The following BCHE variants were observed in gnomAD, a reference collection of about 807,000 sequenced individuals.
BCHE encodes butyrylcholinesterase.
In BCHE, 48 loss-of-function variants were observed where a neutral mutation model predicts 51.3. The observed-to-expected ratio is 0.94, with a 90% CI of 0.74 to 1.19. The LOEUF (loss-of-function observed/expected upper bound fraction) is 1.19, where lower values mean the gene tolerates loss of function less well. Among genes scored for constraint, BCHE ranks in the 50% most tolerant of loss-of-function variants. BCHE has a pLI of 0.00. For synonymous variants in BCHE, 251 were observed against 238.0 expected (o/e 1.05, Z -0.50); for missense variants, 847 against 708.2 (o/e 1.20, Z -2.23).
chr3:165,829,900 A>T lies in BCHE; in HGVS notation c.1134T>A (p.Phe378Leu). The part of the protein sequence containing the change: ...DNNSIITRKE[F>L]QEGLKIFFPG... ...GAAAAAATATTTTTAAACCTTCCTG[A>T]AATTCTTTTCTAGTTATGATACTAT... Residue 378 changes from phenylalanine to leucine, a missense_variant, in exon 2 of 4, where the codon TTT (phenylalanine) becomes TTA (leucine). Coordinates refer to ENST00000264381, the MANE Select transcript of BCHE (RefSeq NM_000055.4). 1 of 1,611,128 alleles carries T rather than the reference A, an allele frequency of 6.2e-7. No homozygotes were observed. The highest frequency in any genetic ancestry group is 8.5e-7 in the Non-Finnish European group (1 of 1,179,268).
chr3:165,826,861 A>T (rs1286405493), intron 2 of BCHE, among the ~76,000 whole-genome samples: 1 of 152,094 alleles, frequency 6.6e-6, no homozygotes, highest in Non-Finnish European at 1.5e-5. Context: ...TAATTATATC[A>T]TTGTGGAATG....
chr3:165,784,543 T>C (rs1443090813), intron 3 of BCHE, among the ~76,000 whole-genome samples: 2 of 151,968 alleles, frequency 1.3e-5, no homozygotes, highest in African/African-American at 4.8e-5. Flanking sequence ...AGCTCAGCGT[T>C]ACACAAGCTA....
intron 3 of BCHE, among the ~76,000 whole-genome samples, chr3:165,777,430 A>G (rs1464447548): frequency 6.6e-6 from 1 of 151,906 alleles, no homozygotes; most frequent in African/African-American, 2.4e-5. Flanking sequence ...AATATGTAAA[A>G]TAGGGAACTG....
intron 2 of BCHE, among the ~76,000 whole-genome samples, chr3:165,818,807 A>G (rs1714403140): frequency 6.6e-6 from 1 of 152,096 alleles, no homozygotes; most frequent in South Asian, 2.1e-4. Context: ...TAAAATACAT[A>G]TATACGTATT....
In BCHE at chr3:165,829,967, G is replaced by T. The variant is rs770337031; in HGVS notation, c.1067C>A (p.Ala356Asp). Residue 356 changes from alanine to aspartate, a missense_variant, in exon 2 of 4, where the codon GCT becomes GAT. Transcript: ENST00000264381. ...LVGVNKDEGT[A>D]FLVYGAPGFS... ...GCCAGGAGCACCATAGACTAAAAAAGCTGTCCCTTCATCTTTATTAACACC... is the reference window on the plus strand; with the variant it reads ...GCCAGGAGCACCATAGACTAAAAAATCTGTCCCTTCATCTTTATTAACACC... The T allele has an allele frequency of 1.9e-6, 3 of 1,613,566 alleles. No individual in the cohort carries two copies. Among genetic ancestry groups the T allele is most frequent in the South Asian group, 1.1e-5 (1 of 91,068 alleles).
rs1011402022 is a variant in BCHE, at chr3:165,773,201, C to G, written c.*181G>C. The stretch of plus-strand genomic sequence containing the variant: ...TGAAATTTAATTAAACACGTTCTAG[C>G]CATTTGGGTTTTGAAATGCTAGGTA... On this transcript the variant is annotated 3_prime_UTR_variant, in exon 4 of 4. Coordinates refer to ENST00000264381, the MANE Select transcript of BCHE (RefSeq NM_000055.4). The G allele has an allele frequency of 1.4e-5, 8 of 551,934 alleles. No homozygotes were observed. In the Admixed American group the frequency reaches 1.7e-4, roughly 12 times the overall value. The allele number at this position is 551,934 out of a possible 1,614,324, so 34.2% of individuals were successfully genotyped here. A position where few individuals can be genotyped will look rare whatever the true frequency, so the allele number is the denominator to read the frequency against.
intron 2 of BCHE, among the ~76,000 whole-genome samples, chr3:165,798,927 A>T (rs191505996): frequency 6.6e-6 from 1 of 152,286 alleles, no homozygotes; most frequent in East Asian, 1.9e-4. Flanking sequence ...TTGCATACAG[A>T]GATACAAATG....
intron 2 of BCHE, among the ~76,000 whole-genome samples, chr3:165,808,666 C>T (rs1432714664): frequency 6.6e-6 from 1 of 151,880 alleles, no homozygotes; most frequent in Non-Finnish European, 1.5e-5. Context: ...AATCTCAGCA[C>T]TTTGAGAGGA....
At chr3:165,809,952 C>A (rs79247058) in intron 2 of BCHE, among the ~76,000 whole-genome samples, 1 of 152,026 alleles carries the variant, frequency 6.6e-6, no homozygotes, top group Non-Finnish European at 1.5e-5. Context: ...TCCACTCTTT[C>A]GTTAGTATTT....
intron 3 of BCHE, chr3:165,778,627 T>G (rs1386453233): frequency 2.3e-6 from 1 of 432,870 alleles, no homozygotes; most frequent in Non-Finnish European, 4.8e-6. Context: ...AAGCTTTCCA[T>G]GGTCCTGGGC....
At chr3:165,784,888 T>C (rs1452977929) in intron 3 of BCHE, among the ~76,000 whole-genome samples, 1 of 151,778 alleles carries the variant, frequency 6.6e-6, no homozygotes, top group Non-Finnish European at 1.5e-5. Context: ...ATAGTATCTC[T>C]TTGGGTCTCT....
chr3:165,830,500 G>A lies in BCHE; in HGVS notation c.534C>T (p.Ala178=), dbSNP rs1205357464. ...IVVSMNYRVG[A]LGFLALPGNP... is the part of the protein sequence containing the mutation. The stretch of plus-strand genomic sequence containing the variant: ...TTCCTGGCAAAGCTAAGAATCCTAG[G>A]GCACCCACCCTATAGTTCATTGACA... The change falls in exon 2 of 4, where the codon GCC becomes GCT. Residue 178 remains alanine (A), a synonymous_variant. Transcript: ENST00000264381. 1 of 1,613,796 alleles carries A rather than the reference G, an allele frequency of 6.2e-7. No individual in the cohort carries two copies. The highest frequency in any genetic ancestry group is 2.2e-5 in the East Asian group (1 of 44,866).
chr3:165,807,656 G>A (rs2108218923), intron 2 of BCHE, among the ~76,000 whole-genome samples: 1 of 151,750 alleles, frequency 6.6e-6, no homozygotes, highest in Admixed American at 6.6e-5. Context: ...CCAGGTTCAA[G>A]TAATTACCTT....
intron 2 of BCHE, among the ~76,000 whole-genome samples, chr3:165,815,714 G>A (rs1378126149): frequency 1.3e-5 from 2 of 151,880 alleles, no homozygotes; most frequent in Admixed American, 6.6e-5. Context: ...TACATAAGAA[G>A]TATATTCTTT....
chr3:165,816,305 GTAGA>G (rs1221033624), intron 2 of BCHE, among the ~76,000 whole-genome samples: 2 of 151,870 alleles, frequency 1.3e-5, no homozygotes, highest in African/African-American at 2.4e-5. Context: ...ATAAAATTAA[GTAGA>G]TAGAGTTGAT....
chr3:165,826,307 G>C (rs1714719637), intron 2 of BCHE, among the ~76,000 whole-genome samples: 1 of 152,092 alleles, frequency 6.6e-6, no homozygotes, highest in South Asian at 2.1e-4. Context: ...ATAGCACTTA[G>C]CAGTGAATAA....
intron 2 of BCHE, among the ~76,000 whole-genome samples, chr3:165,822,013 A>T (rs1576667032): frequency 6.6e-6 from 1 of 152,090 alleles, no homozygotes; most frequent in East Asian, 1.9e-4. Flanking sequence ...TAATAAATAA[A>T]ATATTATGAT....
chr3:165,807,505 ATGT>A (rs1473728221), intron 2 of BCHE, among the ~76,000 whole-genome samples: 1 of 151,368 alleles, frequency 6.6e-6, no homozygotes, highest in African/African-American at 2.4e-5. Flanking sequence ...AGATAAAGAA[ATGT>A]TATTATGAGA....
intron 2 of BCHE, among the ~76,000 whole-genome samples, chr3:165,826,172 A>T (rs925626561): frequency 1.3e-5 from 2 of 152,164 alleles, no homozygotes; most frequent in Non-Finnish European, 2.9e-5. Context: ...GAAAAAAAAC[A>T]TCTTCTACAA....
Sources: gnomAD v4.1 joint callset for allele counts (sites outside exome capture counted in the v4.1 genomes callset) on GRCh38, gnomAD v4.1.1 for gene constraint, MANE v1.5 for transcripts, NCBI Gene and HGNC (gene_info 2026-07-23, HGNC 2026-07-21) for gene names.